Variants in MED15 observed in about 807,000 individuals in gnomAD.
MED15 encodes mediator complex subunit 15.
In MED15, 41 loss-of-function variants were observed where a neutral mutation model predicts 118.7. The ratio of observed to expected loss-of-function variants is 0.35; its 90% CI spans 0.27 to 0.45. The LOEUF (loss-of-function observed/expected upper bound fraction) is 0.45. Ranked by LOEUF, MED15 falls within the 20% of genes least tolerant of loss-of-function variation. MED15 has a pLI of 1.00. For synonymous variants in MED15, 436 were observed against 413.9 expected, an observed-to-expected ratio of 1.05 and a Z score of -0.65; for missense variants, 740 against 1,025.5, an observed-to-expected ratio of 0.72 and a Z score of 3.80.
intron 5 of MED15, among the ~76,000 whole-genome samples, chr22:20,563,504 C>T (rs1455089711): frequency 6.6e-6 from 1 of 152,092 alleles, no homozygotes; most frequent in Non-Finnish European, 1.5e-5. Flanking sequence ...CAGTGGTTGC[C>T]AGAGTTTGCG....
At chr22:20,548,131 C>T (rs2055625769) in intron 2 of MED15, among the ~76,000 whole-genome samples, 1 of 152,046 alleles carries the variant, frequency 6.6e-6, no homozygotes, top group Non-Finnish European at 1.5e-5. Context: ...GACTGTGCCA[C>T]TGTGCCTAGC....
intron 8 of MED15, among the ~76,000 whole-genome samples, chr22:20,570,725 CT>C (rs1392224726): frequency 2.4e-5 from 2 of 83,814 alleles, no homozygotes; most frequent in East Asian, 4.5e-4. Context: ...TTTCTCTTTT[CT>C]TTTCTTTCTT....
At chr22:20,509,186 G>T (rs1447855078) in intron 1 of MED15, among the ~76,000 whole-genome samples, 1 of 152,058 alleles carries the variant, frequency 6.6e-6, no homozygotes, top group Non-Finnish European at 1.5e-5. Context: ...ATGGAATGAG[G>T]GTGAGCAGGT....
intron 1 of MED15, among the ~76,000 whole-genome samples, chr22:20,513,362 C>T (rs1027006567): frequency 3.3e-5 from 5 of 151,746 alleles, no homozygotes; most frequent in African/African-American, 7.3e-5. Context: ...TCACTGCAAC[C>T]TCTGCCTCCC....
intron 5 of MED15, among the ~76,000 whole-genome samples, chr22:20,560,844 T>C (rs1459558113): frequency 6.6e-6 from 1 of 152,210 alleles, no homozygotes; most frequent in East Asian, 1.9e-4. Context: ...CCAGGCAGCC[T>C]AGCTTGGAGG....
intron 6 of MED15, among the ~76,000 whole-genome samples, chr22:20,566,109 G>A (rs1256228762): frequency 2.7e-5 from 4 of 145,520 alleles, no homozygotes; most frequent in Non-Finnish European, 3.0e-5. Flanking sequence ...GTGTGATCTC[G>A]GCTCACTGCA....
Position 20,575,226 on chromosome 22 carries a change from G to A in MED15, c.1266G>A (p.Met422Ile). The A allele has an allele frequency of 6.2e-7, 1 of 1,613,770 alleles. No homozygotes were observed. Among genetic ancestry groups the A allele is most frequent in the Non-Finnish European group, 8.5e-7 (1 of 1,180,030 alleles). Reference sequence around the variant, plus strand: ...CCATCCCTTTGGGCAGACAGCCCATGGCACAGGTATTTACGGGGCAGCGCC... The same window carrying A: ...CCATCCCTTTGGGCAGACAGCCCATAGCACAGGTATTTACGGGGCAGCGCC... The part of the protein sequence containing the change: ...SSSIPLGRQP[M>I]AQVSQSSLPM... The change falls in exon 9 of 18, where the codon ATG becomes ATA. Residue 422 changes from methionine to isoleucine, a missense_variant. Met to Ile is a conservative substitution (Grantham distance 10). This residue lies in a region of MED15 where 384 missense variants were observed against 506.3 expected (regional missense o/e 0.76). Transcript: ENST00000263205.
At chr22:20,569,549 T>C (rs749951141) in intron 8 of MED15, among the ~76,000 whole-genome samples, 3 of 152,188 alleles carry the variant, frequency 2.0e-5, no homozygotes, top group Non-Finnish European at 4.4e-5. Context: ...CAGTGCCTCG[T>C]GGCAGGCTTC....
chr22:20,515,148 C>T (rs1295736502), intron 1 of MED15, among the ~76,000 whole-genome samples: 1 of 152,178 alleles, frequency 6.6e-6, no homozygotes, highest in African/African-American at 2.4e-5. Context: ...AGCCCTCAGT[C>T]ATCTGCTCAG....
At chr22:20,551,748 A>C (rs1569209741) in intron 3 of MED15, 1 of 531,752 alleles carries the variant, frequency 1.9e-6, no homozygotes. Context: ...TTGCTGCTTC[A>C]CTTGCTCACT....
chr22:20,542,527 T>G (rs977552732), intron 2 of MED15, among the ~76,000 whole-genome samples: 3 of 152,208 alleles, frequency 2.0e-5, no homozygotes, highest in Admixed American at 2.0e-4. Context: ...AGAGATAGTG[T>G]ATTAGTTTCC....
intron 9 of MED15, among the ~76,000 whole-genome samples, chr22:20,576,186 C>T (rs779696367): frequency 6.6e-6 from 1 of 152,254 alleles, no homozygotes; most frequent in African/African-American, 2.4e-5. Context: ...GTTCTCTCAT[C>T]ATACAGGCTT....
At chr22:20,528,255 C>T (rs946505643) in intron 1 of MED15, among the ~76,000 whole-genome samples, 1 of 152,174 alleles carries the variant, frequency 6.6e-6, no homozygotes. Context: ...ATTGAAGGCT[C>T]ATCTGGCTGC....
intron 6 of MED15, among the ~76,000 whole-genome samples, chr22:20,564,942 G>A (rs1444039286): frequency 1.3e-5 from 2 of 152,190 alleles, no homozygotes; most frequent in African/African-American, 4.8e-5. Context: ...TGGCCAGCAT[G>A]GTGAAACCCC....
chr22:20,541,168 G>A (rs896815224), intron 2 of MED15, among the ~76,000 whole-genome samples: 1 of 152,168 alleles, frequency 6.6e-6, no homozygotes, highest in Admixed American at 6.5e-5. Context: ...GAACCCGGGA[G>A]GTGGAGCTTG....
At chr22:20,521,088 AT>A (rs924603121) in intron 1 of MED15, among the ~76,000 whole-genome samples, 1,266 of 61,418 alleles carry the variant, frequency 0.021, 3 homozygotes, top group African/African-American at 0.068. Flanking sequence ...CAGTTGTTCT[AT>A]TTTTTTTTTT....
At chr22:20,531,706 T>C (rs916115893) in intron 1 of MED15, among the ~76,000 whole-genome samples, 1 of 152,260 alleles carries the variant, frequency 6.6e-6, no homozygotes, top group Non-Finnish European at 1.5e-5. Flanking sequence ...CCAGTTATTG[T>C]GCCTGGCAGT....
At position 20,560,411 on chromosome 22, in the gene MED15, C is replaced by T. The variant is rs9624089; in HGVS notation, c.452-4039C>T. 5.4e-3 allele frequency among the ~76,000 whole-genome samples: 819 copies of T among 152,186 alleles called. 7 individuals carry two copies. The highest frequency in any genetic ancestry group is 0.018 in the African/African-American group (754 of 41,514). On this transcript the variant is annotated intron_variant, in intron 5 of 17. Coordinates refer to ENST00000263205, the MANE Select transcript of MED15 (RefSeq NM_001003891.3). ...TCCCAAGTAGCTGGGACTACAGGCG[C>T]GCGCCACTACGCCCAGCTAATTTTT...
intron 4 of MED15, chr22:20,554,383 C>T (rs2055906992): frequency 6.5e-6 from 1 of 152,732 alleles, no homozygotes; most frequent in South Asian, 2.1e-4. Flanking sequence ...CATTTCTCCT[C>T]AGTGCTCTGT....
Sources: allele counts gnomAD v4.1 joint callset (sites outside exome capture counted in the v4.1 genomes callset), GRCh38; gene constraint gnomAD v4.1.1; regional missense constraint gnomAD v4.1.1; transcripts MANE v1.5; gene names NCBI Gene and HGNC (gene_info 2026-07-23, HGNC 2026-07-21).